PLXNA4: variants seen among roughly 807,000 people sequenced by gnomAD.
PLXNA4 encodes plexin A4, also known as plexin-A4.
In PLXNA4, 44 loss-of-function variants were observed where a neutral mutation model predicts 191.8. The observed-to-expected ratio is 0.23, with a 90% CI of 0.18 to 0.29. PLXNA4 has a LOEUF of 0.29. Among genes scored for constraint, PLXNA4 ranks in the 10% least tolerant of loss-of-function variants. The pLI, the probability that PLXNA4 is intolerant of heterozygous loss-of-function variation, is 1.00. For synonymous variants in PLXNA4, 1,082 were observed against 1,009.5 expected, an observed-to-expected ratio of 1.07 and a Z score of -1.36; for missense variants, 1,800 against 2,488.8, an observed-to-expected ratio of 0.72 and a Z score of 5.89.
intron 3 of PLXNA4, among the ~76,000 whole-genome samples, chr7:132,426,670 G>C (rs968570525): frequency 6.6e-6 from 1 of 152,250 alleles, no homozygotes; most frequent in Admixed American, 6.5e-5. Context: ...ATTACAGACA[G>C]TTTCAAAACA....
At chr7:132,548,331 G>C (rs142863766) in intron 1 of PLXNA4, among the ~76,000 whole-genome samples, 1 of 152,156 alleles carries the variant, frequency 6.6e-6, no homozygotes, top group Admixed American at 6.5e-5. Context: ...AAGCAGATGA[G>C]GCTAGGGCAA....
chr7:132,330,042 C>T lies in PLXNA4; in HGVS notation c.1372-31820G>A, dbSNP rs1048814708. On this transcript the variant is annotated intron_variant, in intron 3 of 31. Transcript: ENST00000321063. ...GCTGGCTGAAATCCAGAAAGTGCCA[C>T]GGACATGCAGGAGGCAAGGGGAGGA... Among the ~76,000 whole-genome samples the T allele has an allele frequency of 5.3e-5, 8 of 152,280 alleles. No homozygotes were observed. The East Asian group carries it at 7.7e-4, about 15-fold the overall frequency.
intron 10 of PLXNA4, among the ~76,000 whole-genome samples, chr7:132,209,031 A>G (rs1797715721): frequency 6.6e-6 from 1 of 152,250 alleles, no homozygotes; most frequent in South Asian, 2.1e-4. Flanking sequence ...GGCAGTCAAT[A>G]GAATGGCAGA....
In PLXNA4 at chr7:132,204,955, G is replaced by A. The variant is rs146562846; in HGVS notation, c.2299-1536C>T. ...ATCCAGAGTTCTAACTTCCTCCCTG[G>A]CAACGCGTGCCAGGGCCAGAGAGCT... On this transcript the variant is annotated intron_variant, in intron 10 of 31. Transcript: ENST00000321063. Among the ~76,000 whole-genome samples the A allele has an allele frequency of 3.0e-3, 462 of 152,198 alleles. 7 individuals carry two copies. The highest frequency in any genetic ancestry group is 0.011 in the African/African-American group (439 of 41,526).
At chr7:132,411,454 A>T (rs1174658477) in intron 3 of PLXNA4, among the ~76,000 whole-genome samples, 1 of 152,122 alleles carries the variant, frequency 6.6e-6, no homozygotes, top group Non-Finnish European at 1.5e-5. Flanking sequence ...TTTTCAGTTG[A>T]AACTGCTTTG....
At chr7:132,227,895 T>A (rs868256649) in intron 6 of PLXNA4, among the ~76,000 whole-genome samples, 19 of 152,186 alleles carry the variant, frequency 1.2e-4, no homozygotes, top group Admixed American at 7.9e-4. Context: ...TGATCAGGAC[T>A]GAGGCATGGC....
At chr7:132,135,195 G>C (rs1283963739) in intron 30 of PLXNA4, among the ~76,000 whole-genome samples, 1 of 152,162 alleles carries the variant, frequency 6.6e-6, no homozygotes, top group African/African-American at 2.4e-5. Context: ...GGCTTTATTT[G>C]TAAAAAGTGT....
intron 4 of PLXNA4, among the ~76,000 whole-genome samples, chr7:132,275,808 A>T (rs1800255101): frequency 6.6e-6 from 1 of 152,174 alleles, no homozygotes; most frequent in Non-Finnish European, 1.5e-5. Context: ...ACTCTCATGC[A>T]CATCAGCATG....
chr7:132,504,107 G>C (rs1798362056), intron 2 of PLXNA4, among the ~76,000 whole-genome samples: 1 of 152,222 alleles, frequency 6.6e-6, no homozygotes, highest in Non-Finnish European at 1.5e-5. Context: ...TGGCCAACCA[G>C]CCCTCATCTC....
intron 1 of PLXNA4, among the ~76,000 whole-genome samples, chr7:132,648,308 T>G (rs1194144275): frequency 6.6e-6 from 1 of 152,218 alleles, no homozygotes; most frequent in Non-Finnish European, 1.5e-5. Flanking sequence ...ACTAGTGACT[T>G]ACAGAACCTT....
At chr7:132,498,318 A>G (rs1477469062) in intron 2 of PLXNA4, among the ~76,000 whole-genome samples, 1 of 152,192 alleles carries the variant, frequency 6.6e-6, no homozygotes, top group Non-Finnish European at 1.5e-5. Context: ...ACTTGGAAGA[A>G]AAAGTTTGAT....
chr7:132,561,324 C>G (rs1485072708), intron 1 of PLXNA4, among the ~76,000 whole-genome samples: 1 of 149,496 alleles, frequency 6.7e-6, no homozygotes, highest in African/African-American at 2.5e-5. Context: ...TCTTCTCCTC[C>G]TCTTCCTCCT....
At chr7:132,168,191 G>A in intron 22 of PLXNA4, 113 bp downstream of exon 22, 1 of 1,375,608 alleles carries the variant, frequency 7.3e-7, no homozygotes. Context: ...TTAGTGACTT[G>A]AACTTGGGAA....
intron 4 of PLXNA4, among the ~76,000 whole-genome samples, chr7:132,283,756 G>A (rs1800576929): frequency 6.6e-6 from 1 of 152,208 alleles, no homozygotes. Context: ...GGTAACATGA[G>A]TTCTGTGGCC....
At chr7:132,496,811 T>C (rs941528794) in intron 2 of PLXNA4, among the ~76,000 whole-genome samples, 2 of 152,138 alleles carry the variant, frequency 1.3e-5, no homozygotes, top group African/African-American at 4.8e-5. Context: ...AGAGACTATG[T>C]GTCCAGTCCC....
chr7:132,281,119 T>A (rs1800463369), intron 4 of PLXNA4, among the ~76,000 whole-genome samples: 1 of 152,224 alleles, frequency 6.6e-6, no homozygotes, highest in African/African-American at 2.4e-5. Context: ...AGTGATGTGC[T>A]AGAATTGGTT....
chr7:132,646,686 T>C (rs187184392), intron 1 of PLXNA4, among the ~76,000 whole-genome samples: 2 of 152,220 alleles, frequency 1.3e-5, no homozygotes, highest in East Asian at 3.9e-4. Flanking sequence ...ATGCCTGTTG[T>C]TTAGGCCACT....
At chr7:132,271,650 G>A (rs1800077578) in intron 4 of PLXNA4, among the ~76,000 whole-genome samples, 1 of 152,046 alleles carries the variant, frequency 6.6e-6, no homozygotes, top group Non-Finnish European at 1.5e-5. Flanking sequence ...AAGAAGCCAA[G>A]GTCAACACCA....
At chr7:132,618,584 G>A (rs757626531) in intron 2 of PLXNA4, among the ~76,000 whole-genome samples, 15 of 152,148 alleles carry the variant, frequency 9.9e-5, no homozygotes, top group Non-Finnish European at 1.6e-4. Flanking sequence ...CTGCCTCTCC[G>A]GTTTTTCCTC....
Sources: gnomAD v4.1 joint callset for allele counts (sites outside exome capture counted in the v4.1 genomes callset) on GRCh38, gnomAD v4.1.1 for gene constraint, MANE v1.5 for transcripts, NCBI Gene and HGNC (gene_info 2026-07-23, HGNC 2026-07-21) for gene names.